CRTC3: variants seen among roughly 807,000 people sequenced by gnomAD.
The protein encoded by CRTC3 is CREB-regulated transcription coactivator 3.
Under a neutral mutation model 74.5 loss-of-function variants are expected in CRTC3, and 26 were observed. The ratio of observed to expected loss-of-function variants is 0.35; its 90% confidence interval spans 0.26 to 0.48. The LOEUF is 0.48. Among genes scored for constraint, CRTC3 ranks in the 20% least tolerant of loss-of-function variants. The probability of loss-of-function intolerance (pLI) is 0.99; values close to 1 mark genes in which losing one functional copy is unlikely to be tolerated. For synonymous variants in CRTC3, 377 were observed against 325.8 expected, an observed-to-expected ratio of 1.16 and a Z score of -1.69; for missense variants, 760 against 787.3, an observed-to-expected ratio of 0.97 and a Z score of 0.41.
chr15:90,561,943 C>G (rs569936661), intron 2 of CRTC3, among the ~76,000 whole-genome samples: 3 of 152,336 alleles, frequency 2.0e-5, no homozygotes, highest in South Asian at 2.1e-4. Flanking sequence ...TCTACACAGG[C>G]CTTGATGCCA....
intron 2 of CRTC3, among the ~76,000 whole-genome samples, chr15:90,587,909 T>C (rs1218117543): frequency 1.3e-5 from 2 of 151,202 alleles, no homozygotes; most frequent in African/African-American, 4.9e-5. Context: ...CCACTATGCC[T>C]GGCTCCCATT....
chr15:90,531,192 G>A (rs567317733), intron 1 of CRTC3, among the ~76,000 whole-genome samples: 1 of 152,258 alleles, frequency 6.6e-6, no homozygotes, highest in Non-Finnish European at 1.5e-5. Flanking sequence ...TGAATCTGTT[G>A]CCAGAATTTT....
rs375325004 is a variant in CRTC3, at chr15:90,602,349, A to G, written c.377A>G (p.Asn126Ser). 58 of 1,601,720 alleles carry G rather than the reference A, an allele frequency of 3.6e-5. 1 individual carries two copies. The African/African-American group carries it at 6.0e-4, about 17-fold the overall frequency. Reference sequence around the variant, plus strand: ...TTTGATGGTAGTGCTTTTGGAGCCAATTATTCCTCACAGCCTCTGGATGAG... The same window carrying G: ...TTTGATGGTAGTGCTTTTGGAGCCAGTTATTCCTCACAGCCTCTGGATGAG... Reference protein sequence around the residue: ...RQFDGSAFGANYSSQPLDESW... With the variant: ...RQFDGSAFGASYSSQPLDESW... The change falls in exon 4 of 15, where the codon AAT becomes AGT. Residue 126 changes from asparagine to serine, a missense_variant. This residue lies in a region of CRTC3 where 652 missense variants were observed against 635.2 expected (regional missense o/e 1.03). Coordinates refer to ENST00000268184, the MANE Select transcript of CRTC3 (RefSeq NM_022769.5).
Position 90,578,553 on chromosome 15 carries a change from C to CA in CRTC3, c.232-15073dup, listed in dbSNP as rs1450771288. ...TGGGCAACAGAGCGAGACTCCATCT[C>CA]AAAAAAAAAAGAAGGTAAAGATGGT... On this transcript the variant is annotated intron_variant, in intron 2 of 14. Coordinates refer to ENST00000268184, the MANE Select transcript of CRTC3 (RefSeq NM_022769.5). 3.7e-3 allele frequency among the ~76,000 whole-genome samples: 523 copies of CA among 141,410 alleles called. 12 individuals carry two copies. The highest frequency in any genetic ancestry group is 0.031 in the Admixed American group (441 of 14,344). 92.8% of individuals were successfully genotyped at this position (141,410 alleles called of 152,430 possible). A position where few individuals can be genotyped will look rare whatever the true frequency, so the allele number is the denominator to read the frequency against.
chr15:90,590,750 G>T (rs911121113), intron 2 of CRTC3, among the ~76,000 whole-genome samples: 2 of 152,188 alleles, frequency 1.3e-5, no homozygotes, highest in Non-Finnish European at 2.9e-5. Context: ...TAATTGAGAA[G>T]GTTAAGCCAA....
intron 2 of CRTC3, among the ~76,000 whole-genome samples, chr15:90,574,832 G>A (rs937413047): frequency 1.3e-5 from 2 of 151,972 alleles, no homozygotes; most frequent in Non-Finnish European, 2.9e-5. Flanking sequence ...TGAACCATTT[G>A]TATTATGTTT....
rs764319111 is a variant in CRTC3 at position 90,602,418 on chromosome 15, G to T, written c.413+33G>T. ...AGACATACTTTAAAAGATATGATGGGCATGTGTTATTTTTAGATAATTTCA... is the reference window on the plus strand; with the variant it reads ...AGACATACTTTAAAAGATATGATGGTCATGTGTTATTTTTAGATAATTTCA... On this transcript the variant is annotated intron_variant, in intron 4 of 14. Coordinates refer to ENST00000268184, the MANE Select transcript of CRTC3 (RefSeq NM_022769.5). 3 of 1,159,988 alleles carry T rather than the reference G, an allele frequency of 2.6e-6. No individual in the cohort carries two copies. In the South Asian group the frequency reaches 3.9e-5, roughly 15 times the overall value. The allele number at this position is 1,159,988 out of a possible 1,614,324, so 71.9% of individuals were successfully genotyped here.
At chr15:90,556,343 C>T (rs1011735422) in intron 2 of CRTC3, among the ~76,000 whole-genome samples, 4 of 151,956 alleles carry the variant, frequency 2.6e-5, no homozygotes, top group South Asian at 2.1e-4. Context: ...ATATCGCCAC[C>T]GTTGTTAATA....
chr15:90,641,643 G>C (rs1033524421), intron 14 of CRTC3, among the ~76,000 whole-genome samples: 1 of 150,878 alleles, frequency 6.6e-6, no homozygotes, highest in Non-Finnish European at 1.5e-5. Flanking sequence ...CTTGCAGTGA[G>C]CCGAGATTGT....
At chr15:90,539,615 C>G (rs1448337443) in intron 1 of CRTC3, 2 of 207,972 alleles carry the variant, frequency 9.6e-6, no homozygotes, top group Non-Finnish European at 1.9e-5. Context: ...TTGTACCTAT[C>G]TTATGATCAC....
At chr15:90,568,475 C>T (rs775980284) in intron 2 of CRTC3, among the ~76,000 whole-genome samples, 6 of 151,920 alleles carry the variant, frequency 3.9e-5, no homozygotes, top group Non-Finnish European at 8.8e-5. Flanking sequence ...CTCAGCCTCC[C>T]GAGTAGCTAG....
intron 1 of CRTC3, among the ~76,000 whole-genome samples, chr15:90,536,593 G>A (rs994160529): frequency 1.5e-4 from 23 of 152,162 alleles, no homozygotes; most frequent in African/African-American, 4.8e-4. Context: ...TGGGATTTTG[G>A]ATTGTAATCG....
intron 2 of CRTC3, among the ~76,000 whole-genome samples, chr15:90,564,887 G>A (rs1054188392): frequency 1.3e-5 from 2 of 151,764 alleles, no homozygotes; most frequent in African/African-American, 2.4e-5. Context: ...CAAGCCTTGT[G>A]TTCAACAATT....
intron 2 of CRTC3, among the ~76,000 whole-genome samples, chr15:90,564,913 CCTTCCTTCCT>C (rs1567167438): frequency 6.5e-4 from 6 of 9,228 alleles, no homozygotes; most frequent in African/African-American, 1.4e-3. Context: ...AACCTTCCTT[CCTTCCTTCCT>C]TCCTTCCTTC....
chr15:90,641,219 G>C lies in CRTC3; in HGVS notation c.1651+20G>C. 6.9e-7 allele frequency: 1 copy of C among 1,451,890 alleles called. No homozygotes were observed. Among genetic ancestry groups the C allele is most frequent in the Non-Finnish European group, 9.7e-7 (1 of 1,032,784 alleles). 89.9% of individuals were successfully genotyped at this position (1,451,890 alleles called of 1,614,324 possible). On this transcript the variant is annotated intron_variant, in intron 14 of 14. Coordinates refer to ENST00000268184, the MANE Select transcript of CRTC3 (RefSeq NM_022769.5). ...TGCCAGGTGAGCGAGCTATCCCTCA[G>C]CTTCTTTACTGCTTTTATGTTGTTG...
intron 5 of CRTC3, among the ~76,000 whole-genome samples, chr15:90,605,129 G>A (rs2151083131): frequency 6.6e-6 from 1 of 152,006 alleles, no homozygotes; most frequent in South Asian, 2.1e-4. Context: ...GCACGTGCCT[G>A]TGGTTCGAGC....
chr15:90,600,116 G>A (rs1055182708), intron 3 of CRTC3, among the ~76,000 whole-genome samples: 2 of 152,170 alleles, frequency 1.3e-5, no homozygotes, highest in African/African-American at 2.4e-5. Flanking sequence ...TTGAAGAAAT[G>A]TCTCTCTTTG....
At chr15:90,574,095 A>G (rs1035003119) in intron 2 of CRTC3, among the ~76,000 whole-genome samples, 3 of 152,178 alleles carry the variant, frequency 2.0e-5, no homozygotes, top group Non-Finnish European at 4.4e-5. Context: ...AAATTAGTAC[A>G]CAGTATTCTT....
At chr15:90,564,195 C>T (rs982133355) in intron 2 of CRTC3, among the ~76,000 whole-genome samples, 2 of 152,200 alleles carry the variant, frequency 1.3e-5, no homozygotes, top group Non-Finnish European at 2.9e-5. Flanking sequence ...CTAGTAACTA[C>T]CAGCTCTCCG....
Sources: gnomAD v4.1 joint callset for allele counts (sites outside exome capture counted in the v4.1 genomes callset) on GRCh38, gnomAD v4.1.1 for gene constraint, gnomAD v4.1.1 regional missense constraint, MANE v1.5 for transcripts, NCBI Gene and HGNC (gene_info 2026-07-23, HGNC 2026-07-21) for gene names.